Variants in USP25 observed in about 807,000 individuals in gnomAD.
USP25 encodes ubiquitin specific peptidase 25.
A neutral mutation model predicts 158.5 loss-of-function variants in USP25; 85 were observed. The observed-to-expected ratio is 0.54, with a 90% CI of 0.45 to 0.64. The LOEUF (loss-of-function observed/expected upper bound fraction) is 0.64, where lower values mean the gene tolerates loss of function less well. USP25 is among the 30% of genes least tolerant of loss of function. USP25 has a pLI of 0.00. For synonymous variants in USP25, 464 were observed against 460.4 expected (o/e 1.01, Z -0.10); for missense variants, 1,242 against 1,327.3 (o/e 0.94, Z 1.00).
At chr21:15,846,797 A>G (rs191826068) in intron 18 of USP25, among the ~76,000 whole-genome samples, 182 of 152,290 alleles carry the variant, frequency 1.2e-3, no homozygotes, top group African/African-American at 4.2e-3. Flanking sequence ...AATAAGATAA[A>G]TAAGTATGTA....
intron 20 of USP25, 93 bp downstream of exon 20, chr21:15,849,965 TA>T: frequency 9.7e-7 from 1 of 1,029,660 alleles, no homozygotes; most frequent in South Asian, 1.9e-5. Context: ...TGGTTTTCTG[TA>T]TAATTTCTCT....
chr21:15,874,692 T>C (rs1390475215), intron 24 of USP25, among the ~76,000 whole-genome samples, 166 bp downstream of exon 24: 1 of 152,222 alleles, frequency 6.6e-6, no homozygotes, highest in East Asian at 1.9e-4. Flanking sequence ...CACTCAGTAC[T>C]TTATTCTTTT....
Position 15,878,288 on chromosome 21 carries a change from T to G in USP25, c.3206-15T>G. ...ATTTCTATCTTTAGTTAGATTTAAT[T>G]GTTTGTATTTGCAGCACACCTCCAA... On this transcript the variant is annotated splice_polypyrimidine_tract_variant and intron_variant, in intron 25 of 25. Coordinates refer to ENST00000400183, the MANE Select transcript of USP25 (RefSeq NM_001283041.3). 3.7e-6 allele frequency: 6 copies of G among 1,604,346 alleles called. No individual in the cohort carries two copies. The highest frequency in any genetic ancestry group is 5.1e-6 in the Non-Finnish European group (6 of 1,175,380).
At chr21:15,857,787 A>G (rs1020269628) in intron 20 of USP25, among the ~76,000 whole-genome samples, 2 of 152,040 alleles carry the variant, frequency 1.3e-5, no homozygotes, top group Non-Finnish European at 2.9e-5. Flanking sequence ...AAATTATGCA[A>G]AATTTTAATT....
intron 4 of USP25, among the ~76,000 whole-genome samples, chr21:15,779,015 T>A (rs960765313): frequency 3.9e-5 from 6 of 152,124 alleles, no homozygotes; most frequent in Non-Finnish European, 4.4e-5. Flanking sequence ...GATTACTATA[T>A]GGTAGGAAAT....
intron 8 of USP25, among the ~76,000 whole-genome samples, chr21:15,809,098 C>G (rs1187020221): frequency 6.6e-6 from 1 of 152,032 alleles, no homozygotes; most frequent in Non-Finnish European, 1.5e-5. Flanking sequence ...TCTTACATGC[C>G]CAGTTCCTTT....
At chr21:15,735,972 GTGTGTGTGTA>G (rs1429967794) in intron 1 of USP25, among the ~76,000 whole-genome samples, 5 of 146,636 alleles carry the variant, frequency 3.4e-5, no homozygotes, top group African/African-American at 1.0e-4. Flanking sequence ...ATCTGTGTGT[GTGTGTGTGTA>G]TGTGTGTGTG....
intron 21 of USP25, 62 bp from the exon 22 acceptor site, chr21:15,866,200 CAAAT>C: frequency 1.1e-6 from 1 of 947,224 alleles, no homozygotes; most frequent in Admixed American, 3.9e-5. Flanking sequence ...TTTTGATTTA[CAAAT>C]ATATATATAT....
chr21:15,869,243 G>C (rs1222990541), intron 22 of USP25, among the ~76,000 whole-genome samples: 1 of 135,876 alleles, frequency 7.4e-6, no homozygotes, highest in Non-Finnish European at 1.5e-5. Flanking sequence ...GTGAGACCCT[G>C]TCTCCAAAAA....
intron 20 of USP25, among the ~76,000 whole-genome samples, chr21:15,859,263 G>A (rs1443819973): frequency 6.6e-6 from 1 of 151,326 alleles, no homozygotes; most frequent in Non-Finnish European, 1.5e-5. Context: ...TGCCATCTTG[G>A]CTCACTGCAG....
intron 15 of USP25, among the ~76,000 whole-genome samples, chr21:15,831,091 C>T (rs1224892780): frequency 6.6e-6 from 1 of 152,088 alleles, no homozygotes; most frequent in Non-Finnish European, 1.5e-5. Context: ...TAAAACTGCC[C>T]ACTATAAGCT....
Position 15,730,359 on chromosome 21 carries a change from C to A in USP25, c.-35C>A, listed in dbSNP as rs1269732411. The A allele has an allele frequency of 8.5e-7, 1 of 1,173,076 alleles. No individual in the cohort carries two copies. The highest frequency in any genetic ancestry group is 1.0e-6 in the Non-Finnish European group (1 of 957,942). The allele number at this position is 1,173,076 out of a possible 1,614,324, so 72.7% of individuals were successfully genotyped here. On this transcript the variant is annotated 5_prime_UTR_variant, in exon 1 of 26. Transcript: ENST00000400183. ...CGGCGGAGGCGCGAGGAGCCGGGCG[C>A]CACCGCCGCCGCCGCCGCCGCCGCC...
intron 22 of USP25, among the ~76,000 whole-genome samples, chr21:15,867,758 T>C (rs1453991182): frequency 6.6e-6 from 1 of 152,104 alleles, no homozygotes; most frequent in Non-Finnish European, 1.5e-5. Context: ...CCATTTACAA[T>C]AGTATCTGAA....
rs185314229 is a variant in USP25 at position 15,825,169 on chromosome 21, G to C, written c.1304+108G>C. ...TGAGTGATTTATAATTTTAGGAGTA[G>C]TTAATATTGTGTGAATAGTTTTGAG... On this transcript the variant is annotated intron_variant, in intron 12 of 25. Coordinates refer to ENST00000400183, the MANE Select transcript of USP25 (RefSeq NM_001283041.3). The C allele has an allele frequency of 5.2e-3, 3,857 of 745,190 alleles. 15 individuals carry two copies. Among genetic ancestry groups the C allele is most frequent in the Admixed American group, 7.4e-3 (218 of 29,582 alleles). The allele number at this position is 745,190 out of a possible 1,614,324, so 46.2% of individuals were successfully genotyped here. A position where few individuals can be genotyped will look rare whatever the true frequency, so the allele number is the denominator to read the frequency against.
chr21:15,862,934 A>G (rs780730846), intron 20 of USP25, among the ~76,000 whole-genome samples: 18 of 152,014 alleles, frequency 1.2e-4, no homozygotes, highest in Non-Finnish European at 2.6e-4. Flanking sequence ...TCTGTACAAT[A>G]CAACCATATA....
intron 20 of USP25, among the ~76,000 whole-genome samples, chr21:15,857,088 A>G (rs977587511): frequency 6.6e-6 from 1 of 152,220 alleles, no homozygotes; most frequent in Non-Finnish European, 1.5e-5. Context: ...TTTAAATCCT[A>G]ACATTATCAT....
intron 22 of USP25, among the ~76,000 whole-genome samples, chr21:15,869,069 GACCCTGTCTATACAAA>G (rs2039775171): frequency 6.6e-6 from 1 of 152,048 alleles, no homozygotes. Context: ...AACATAGCAA[GACCCTGTCTATACAAA>G]ACAGATTAAG....
chr21:15,824,895 G>C (rs1165140526), intron 11 of USP25, 71 bp from the exon 12 acceptor site: 3 of 1,264,802 alleles, frequency 2.4e-6, no homozygotes, highest in Non-Finnish European at 2.3e-6. Flanking sequence ...GGCCGGGTAC[G>C]CTGGCATCTG....
intron 3 of USP25, among the ~76,000 whole-genome samples, chr21:15,777,690 C>T (rs2034736910): frequency 1.3e-5 from 2 of 152,090 alleles, no homozygotes; most frequent in South Asian, 2.1e-4. Flanking sequence ...TTTCTGCTTA[C>T]TGCTTTAGGT....
Sources: gnomAD v4.1 joint callset for allele counts (sites outside exome capture counted in the v4.1 genomes callset) on GRCh38, gnomAD v4.1.1 for gene constraint, MANE v1.5 for transcripts, NCBI Gene and HGNC (gene_info 2026-07-23, HGNC 2026-07-21) for gene names.